TGOLN2: variants seen among roughly 807,000 people sequenced by gnomAD.
The protein encoded by TGOLN2 is trans-Golgi network integral membrane protein 2.
A neutral mutation model predicts 31.3 loss-of-function variants in TGOLN2; 19 were observed. The ratio of observed to expected loss-of-function variants is 0.61; its 90% CI spans 0.42 to 0.89. The LOEUF (loss-of-function observed/expected upper bound fraction) is 0.89, where lower values mean the gene tolerates loss of function less well. Ranked by LOEUF, TGOLN2 falls within the 40% of genes least tolerant of loss-of-function variation. The probability of loss-of-function intolerance (pLI) is 0.00; values close to 1 mark genes in which losing one functional copy is unlikely to be tolerated. For synonymous variants in TGOLN2, 222 were observed against 226.7 expected (o/e 0.98, Z 0.19); for missense variants, 540 against 559.2 (o/e 0.97, Z 0.35).
chr2:85,321,793 G>C lies in TGOLN2; in HGVS notation c.*943C>G, dbSNP rs571383135. 2.0e-5 allele frequency: 3 copies of C among 152,274 alleles called. No homozygotes were observed. Among genetic ancestry groups the C allele is most frequent in the Admixed American group, 6.5e-5 (1 of 15,296 alleles). 9.4% of individuals were successfully genotyped at this position (152,274 alleles called of 1,614,324 possible). On this transcript the variant is annotated 3_prime_UTR_variant, in exon 4 of 4. Coordinates refer to ENST00000377386, the MANE Select transcript of TGOLN2 (RefSeq NM_006464.4). Reference sequence around the variant, plus strand: ...TTTGTGGGAAATGTATCTCATAAAAGCCCTTTGGAAAAACTGCAGACCAAA... The same window carrying C: ...TTTGTGGGAAATGTATCTCATAAAACCCCTTTGGAAAAACTGCAGACCAAA...
chr2:85,321,815 C>T lies in TGOLN2; in HGVS notation c.*921G>A, dbSNP rs1682559782. ...AAAGCCCTTTGGAAAAACTGCAGAC[C>T]AAAACCAAAACCCTCCTTCATGTTT... On this transcript the variant is annotated 3_prime_UTR_variant, in exon 4 of 4. Coordinates refer to ENST00000377386, the MANE Select transcript of TGOLN2 (RefSeq NM_006464.4). The T allele has an allele frequency of 6.6e-6, 1 of 152,116 alleles. No individual in the cohort carries two copies. The highest frequency in any genetic ancestry group is 1.5e-5 in the Non-Finnish European group (1 of 68,034). The allele number at this position is 152,116 out of a possible 1,614,324, so 9.4% of individuals were successfully genotyped here.
At chr2:85,323,683 T>A (rs1434829417) in intron 3 of TGOLN2, among the ~76,000 whole-genome samples, 1 of 152,234 alleles carries the variant, frequency 6.6e-6, no homozygotes, top group African/African-American at 2.4e-5. Flanking sequence ...AGCAAAGATA[T>A]TCTGAGCTCA....
At position 85,327,911 on chromosome 2, in the gene TGOLN2, TC is replaced by T. The variant is rs779285830; in HGVS notation, c.46+5del. Reference sequence around the variant, plus strand: ...CAAGAGTGGGATGCGGGATGGAGGGTCTTACCCGCCGCTGCGACGTTCAGGA... The same window carrying T: ...CAAGAGTGGGATGCGGGATGGAGGGTTTACCCGCCGCTGCGACGTTCAGGA... On this transcript the variant is annotated splice_donor_5th_base_variant and intron_variant, in intron 1 of 3. Transcript: ENST00000377386. 1.2e-5 allele frequency: 19 copies of T among 1,595,496 alleles called. No homozygotes were observed. The African/African-American group carries it at 2.3e-4, about 19-fold the overall frequency.
Position 85,318,700 on chromosome 2 carries a change from A to C in TGOLN2, c.*4036T>G, listed in dbSNP as rs1682449848. On this transcript the variant is annotated 3_prime_UTR_variant, in exon 4 of 4. Transcript: ENST00000377386. Reference sequence around the variant, plus strand: ...GCCAGCAGGGAAATTCCAGAGGTTTAGAATTCTATCAGCACATGTGTCACT... The same window carrying C: ...GCCAGCAGGGAAATTCCAGAGGTTTCGAATTCTATCAGCACATGTGTCACT... The C allele has an allele frequency of 6.6e-6, 1 of 152,304 alleles. No homozygotes were observed. The highest frequency in any genetic ancestry group is 1.5e-5 in the Non-Finnish European group (1 of 68,078). The allele number at this position is 152,304 out of a possible 1,614,324, so 9.4% of individuals were successfully genotyped here. A position where few individuals can be genotyped will look rare whatever the true frequency, so the allele number is the denominator to read the frequency against.
Position 85,327,926 on chromosome 2 carries a change from C to T in TGOLN2, c.37G>A (p.Ala13Thr). The T allele has an allele frequency of 3.1e-6, 5 of 1,603,532 alleles. No individual in the cohort carries two copies. Among genetic ancestry groups the T allele is most frequent in the South Asian group, 1.1e-5 (1 of 88,998 alleles). The change falls in exon 1 of 4, where the codon GCA becomes ACA. Residue 13 changes from alanine (A) to threonine (T), a missense_variant. Coordinates refer to ENST00000377386, the MANE Select transcript of TGOLN2 (RefSeq NM_006464.4). ...FVVALVLLNV[A>T]AAGAVPLLAT... is the part of the protein sequence containing the mutation. ...GGATGGAGGGTCTTACCCGCCGCTG[C>T]GACGTTCAGGAGGACCAAGGCAACC...
chr2:85,326,653 G>C lies in TGOLN2; in HGVS notation c.1079C>G (p.Ser360Trp), dbSNP rs1682741982. The change falls in exon 2 of 4, where the codon TCG becomes TGG. Residue 360 changes from serine (S) to tryptophan (W), a missense_variant. By Grantham distance (177) the Ser-to-Trp change is radical. Transcript: ENST00000377386. ...ATCCTTCTCGCTACCCGTGGAATCCGAAAGTGTCCCTTCACGGTTCTCACT... is the reference window on the plus strand; with the variant it reads ...ATCCTTCTCGCTACCCGTGGAATCCCAAAGTGTCCCTTCACGGTTCTCACT... ...ASSENREGTL[S>W]DSTGSEKDDL... 1 of 1,613,900 alleles carries C rather than the reference G, an allele frequency of 6.2e-7. No homozygotes were observed. Among genetic ancestry groups the C allele is most frequent in the Admixed American group, 1.7e-5 (1 of 60,004 alleles).
Position 85,327,240 on chromosome 2 carries a change from G to A in TGOLN2, c.492C>T (p.Ser164=). 1.2e-6 allele frequency: 2 copies of A among 1,613,720 alleles called. No homozygotes were observed. The highest frequency in any genetic ancestry group is 1.7e-6 in the Non-Finnish European group (2 of 1,179,828). The change falls in exon 2 of 4, where the codon AGC becomes AGT. Residue 164 remains serine, a synonymous_variant. Coordinates refer to ENST00000377386, the MANE Select transcript of TGOLN2 (RefSeq NM_006464.4). ...SGAEAKTQKD[S]PSKSGSEAQT... ...GCGCCTCCGAACCTGACTTGCTAGG[G>A]CTGTCTTTTTGGGTCTTTGCCTCCG...
In TGOLN2 at chr2:85,327,929, C is replaced by T. The variant is rs1333869171; in HGVS notation, c.34G>A (p.Val12Ile). 11 of 1,603,718 alleles carry T rather than the reference C, an allele frequency of 6.9e-6. No individual in the cohort carries two copies. Among genetic ancestry groups the T allele is most frequent in the Admixed American group, 1.7e-5 (1 of 58,748 alleles). The change falls in exon 1 of 4, where the codon GTC becomes ATC. Residue 12 changes from valine to isoleucine, a missense_variant. By Grantham distance (29) the Val-to-Ile change is conservative. Transcript: ENST00000377386. ...TGGAGGGTCTTACCCGCCGCTGCGACGTTCAGGAGGACCAAGGCAACCACG... is the reference window on the plus strand; with the variant it reads ...TGGAGGGTCTTACCCGCCGCTGCGATGTTCAGGAGGACCAAGGCAACCACG... ...RFVVALVLLN[V>I]AAAGAVPLLA... is the part of the protein sequence containing the mutation.
intron 3 of TGOLN2, 164 bp from the exon 4 acceptor site, chr2:85,322,905 G>T: frequency 8.1e-7 from 1 of 1,234,450 alleles, no homozygotes; most frequent in Non-Finnish European, 1.1e-6. Context: ...TTGATGGAGA[G>T]AGAGGAATCC....
In TGOLN2 at chr2:85,327,189, C is replaced by G. The variant is rs771184309; in HGVS notation, c.543G>C (p.Lys181Asn). ...TTGGGGTCTGGCCGTCCGCACCCGA[C>G]TTATTAGGGACATCTTTTGTGGTCT... ...EAQTTKDVPNKSGADGQTPKD... is the reference protein window; with the variant it reads ...EAQTTKDVPNNSGADGQTPKD... Residue 181 changes from lysine (K) to asparagine (N), a missense_variant, in exon 2 of 4, where the codon AAG becomes AAC. Coordinates refer to ENST00000377386, the MANE Select transcript of TGOLN2 (RefSeq NM_006464.4). 22 of 1,613,062 alleles carry G rather than the reference C, an allele frequency of 1.4e-5. No homozygotes were observed. Among genetic ancestry groups the G allele is most frequent in the Non-Finnish European group, 1.9e-5 (22 of 1,179,722 alleles).
chr2:85,318,761 G>GT lies in TGOLN2; in HGVS notation c.*3974dup, dbSNP rs1405074135. 6.6e-6 allele frequency: 1 copy of GT among 152,254 alleles called. No homozygotes were observed. Among genetic ancestry groups the GT allele is most frequent in the African/African-American group, 2.4e-5 (1 of 41,464 alleles). The allele number at this position is 152,254 out of a possible 1,614,324, so 9.4% of individuals were successfully genotyped here. On this transcript the variant is annotated 3_prime_UTR_variant, in exon 4 of 4. Coordinates refer to ENST00000377386, the MANE Select transcript of TGOLN2 (RefSeq NM_006464.4). ...ATGGGAGTACTATGTCAGAGCGTAT[G>GT]TAACTAGCTGTCAGGTCTTTCCCCG...
chr2:85,324,883 C>T (rs558469162), intron 3 of TGOLN2, 32 bp downstream of exon 3: 21 of 1,547,298 alleles, frequency 1.4e-5, no homozygotes, highest in Admixed American at 7.8e-5. Flanking sequence ...TCCCTCCTAT[C>T]CCTCCCATGG....
chr2:85,322,934 G>C, intron 3 of TGOLN2, 193 bp from the exon 4 acceptor site: 1 of 957,498 alleles, frequency 1.0e-6, no homozygotes, highest in Non-Finnish European at 1.5e-6. Context: ...GCTTCATACT[G>C]TTCTGTACTG....
At position 85,321,377 on chromosome 2, in the gene TGOLN2, C is replaced by G. The variant is rs1359983085; in HGVS notation, c.*1359G>C. 3 of 152,674 alleles carry G rather than the reference C, an allele frequency of 2.0e-5. No individual in the cohort carries two copies. The South Asian group carries it at 6.2e-4, about 32-fold the overall frequency. 9.5% of individuals were successfully genotyped at this position (152,674 alleles called of 1,614,324 possible). ...TGGAAGATAATATAAGAAGCATGGT[C>G]CTTTCTTCAGACTTACTGCCTTGAC... On this transcript the variant is annotated 3_prime_UTR_variant, in exon 4 of 4. Coordinates refer to ENST00000377386, the MANE Select transcript of TGOLN2 (RefSeq NM_006464.4).
At position 85,326,889 on chromosome 2, in the gene TGOLN2, GT is replaced by G. The variant is rs1201427557; in HGVS notation, c.842del (p.Asn281ThrfsTer110). ...DNKELPKADT[N>X]QLADKGKLSP... ...AAAGCTTCCCTTTGTCAGCAAGCTG[GT>G]TTGTGTCAGCCTTGGGGAGCTCCTT... On this transcript the variant is annotated frameshift_variant, in exon 2 of 4. Transcript: ENST00000377386. LOFTEE classifies it high-confidence loss of function. The G allele has an allele frequency of 6.2e-7, 1 of 1,613,932 alleles. No individual in the cohort carries two copies. Among genetic ancestry groups the G allele is most frequent in the Non-Finnish European group, 8.5e-7 (1 of 1,179,908 alleles).
intron 2 of TGOLN2, among the ~76,000 whole-genome samples, chr2:85,326,244 T>G (rs1682723443): frequency 6.6e-6 from 1 of 152,178 alleles, no homozygotes; most frequent in African/African-American, 2.4e-5. Context: ...TGGGAGGAGA[T>G]TCCAAGTCAG....
Position 85,327,063 on chromosome 2 carries a change from C to CT in TGOLN2, c.668dup (p.Ser224ValfsTer27). 1 of 1,612,858 alleles carries CT rather than the reference C, an allele frequency of 6.2e-7. No homozygotes were observed. The highest frequency in any genetic ancestry group is 8.5e-7 in the Non-Finnish European group (1 of 1,179,566). Reference sequence around the variant, plus strand: ...TTGGGCCCTGCTCCTCTGCACCGGACTTGTTAGAGCCGTCTTTTGGAGTCT... The same window carrying CT: ...TTGGGCCCTGCTCCTCTGCACCGGACTTTGTTAGAGCCGTCTTTTGGAGTCT... On this transcript the variant is annotated frameshift_variant, in exon 2 of 4. Transcript: ENST00000377386. LOFTEE classifies it high-confidence loss of function.
chr2:85,322,985 T>C (rs1370617339), intron 3 of TGOLN2, among the ~76,000 whole-genome samples: 1 of 152,188 alleles, frequency 6.6e-6, no homozygotes, highest in Non-Finnish European at 1.5e-5. Context: ...GTGGTGGTTT[T>C]CTTCTTTTTT....
In TGOLN2 at chr2:85,327,129, C is replaced by G. The variant is rs751162817; in HGVS notation, c.603G>C (p.Gln201His). The change falls in exon 2 of 4, where the codon CAG becomes CAC. Residue 201 changes from glutamine to histidine, a missense_variant. By Grantham distance (24) the Gln-to-His change is conservative. Transcript: ENST00000377386. Reference protein sequence around the residue: ...DGSSKSGAEDQTPKDVPNKSG... With the variant: ...DGSSKSGAEDHTPKDVPNKSG... ...ACTTGTTAGGGACGTCTTTTGGGGTCTGATCCTCCGCACCCGACTTGCTGG... is the reference window on the plus strand; with the variant it reads ...ACTTGTTAGGGACGTCTTTTGGGGTGTGATCCTCCGCACCCGACTTGCTGG... The G allele has an allele frequency of 1.9e-6, 3 of 1,613,788 alleles. No individual in the cohort carries two copies. The Admixed American group carries it at 5.0e-5, about 27-fold the overall frequency.
Sources: gnomAD v4.1 joint callset for allele counts (sites outside exome capture counted in the v4.1 genomes callset) on GRCh38, gnomAD v4.1.1 for gene constraint, MANE v1.5 for transcripts, NCBI Gene and HGNC (gene_info 2026-07-23, HGNC 2026-07-21) for gene names.